The following LAMTOR1 variants were observed in gnomAD, a reference collection of about 807,000 sequenced individuals.
The protein encoded by LAMTOR1 is ragulator complex protein LAMTOR1.
In LAMTOR1, 8 loss-of-function variants were observed where a neutral mutation model predicts 20.5. The ratio of observed to expected loss-of-function variants is 0.39; its 90% CI spans 0.23 to 0.70. The LOEUF (loss-of-function observed/expected upper bound fraction) is 0.70. LAMTOR1 is among the 30% of genes least tolerant of loss of function. LAMTOR1 has a pLI of 0.43. For missense variants in LAMTOR1, 135 were observed against 206.2 expected, an observed-to-expected ratio of 0.65 and a Z score of 2.11; for synonymous variants, 77 against 80.9, an observed-to-expected ratio of 0.95 and a Z score of 0.26.
intron 4 of LAMTOR1, 37 bp downstream of exon 4, chr11:72,098,252 G>C: frequency 6.2e-7 from 1 of 1,610,012 alleles, no homozygotes; most frequent in South Asian, 1.1e-5. Flanking sequence ...TGGGCAGTGT[G>C]AGAAGGGTGG....
rs543375424 is a variant in LAMTOR1 at position 72,097,765 on chromosome 11, G to T, written c.*57C>A. ...AGCCGCAGTGAGGCTGGGGGCCAAG[G>T]GGGTGGGGTAGAGATGGGATGAAGA... On this transcript the variant is annotated 3_prime_UTR_variant, in exon 5 of 5. Coordinates refer to ENST00000278671, the MANE Select transcript of LAMTOR1 (RefSeq NM_017907.3). 2.2e-4 allele frequency: 360 copies of T among 1,613,582 alleles called. 2 individuals are homozygous for T. The South Asian group carries it at 3.7e-3, about 17-fold the overall frequency.
At chr11:72,098,886 T>C in intron 2 of LAMTOR1, 28 bp from the exon 3 acceptor site, 1 of 1,521,688 alleles carries the variant, frequency 6.6e-7, no homozygotes, top group Non-Finnish European at 8.9e-7. Context: ...AGAGATGACA[T>C]GACAGGTGCT....
intron 1 of LAMTOR1, among the ~76,000 whole-genome samples, chr11:72,101,635 A>T (rs1049283444): frequency 6.6e-6 from 1 of 152,204 alleles, no homozygotes; most frequent in Non-Finnish European, 1.5e-5. Flanking sequence ...CAGAGATGAG[A>T]GTCGGAGAGG....
chr11:72,098,442 A>T (rs369808779), intron 3 of LAMTOR1, 27 bp from the exon 4 acceptor site: 4 of 1,599,812 alleles, frequency 2.5e-6, no homozygotes, highest in Non-Finnish European at 3.4e-6. Context: ...GGGTGGGGGT[A>T]GGCAGTTAAG....
intron 3 of LAMTOR1, 106 bp downstream of exon 3, chr11:72,098,675 G>T: frequency 1.1e-6 from 1 of 889,366 alleles, no homozygotes; most frequent in Non-Finnish European, 1.7e-6. Context: ...CTCCAGGGCT[G>T]CACCAAATGA....
intron 3 of LAMTOR1, 169 bp downstream of exon 3, chr11:72,098,612 A>C: frequency 1.2e-6 from 1 of 806,740 alleles, no homozygotes; most frequent in South Asian, 1.8e-5. Flanking sequence ...GTCACAGGGT[A>C]AACAGGGCTG....
In LAMTOR1 at chr11:72,097,663, T is replaced by G. The variant is rs1023943535; in HGVS notation, c.*159A>C. The G allele has an allele frequency of 1.5e-5, 23 of 1,492,344 alleles. No homozygotes were observed. Among genetic ancestry groups the G allele is most frequent in the Non-Finnish European group, 2.0e-5 (22 of 1,122,156 alleles). The allele number at this position is 1,492,344 out of a possible 1,614,324, so 92.4% of individuals were successfully genotyped here. On this transcript the variant is annotated 3_prime_UTR_variant, in exon 5 of 5. Transcript: ENST00000278671. ...CCCAAAAGGTTCTACCCTCACTTGC[T>G]CAGGCTTCTAGCCTTCCTCTTCTCC... is the stretch of plus-strand genomic sequence containing the variant.
Position 72,103,174 on chromosome 11 carries a change from C to A in LAMTOR1, c.42+9G>T, listed in dbSNP as rs1198740918. 6.3e-7 allele frequency: 1 copy of A among 1,587,004 alleles called. No individual in the cohort carries two copies. The highest frequency in any genetic ancestry group is 1.8e-5 in the Admixed American group (1 of 56,722). On this transcript the variant is annotated intron_variant, in intron 1 of 4. Coordinates refer to ENST00000278671, the MANE Select transcript of LAMTOR1 (RefSeq NM_017907.3). The stretch of plus-strand genomic sequence containing the variant: ...CCTCATTCCCGAGCCCCGCCTGCCG[C>A]GGCCGCACCTGGTCCGAGTCCTCGT...
At chr11:72,099,320 T>C (rs1396050975) in intron 1 of LAMTOR1, 64 bp from the exon 2 acceptor site, 3 of 1,498,642 alleles carry the variant, frequency 2.0e-6, no homozygotes, top group Non-Finnish European at 2.7e-6. Flanking sequence ...TCACGGGTGC[T>C]ACCCTTAGCC....
chr11:72,100,938 C>A (rs1284351029), intron 1 of LAMTOR1, among the ~76,000 whole-genome samples: 1 of 151,728 alleles, frequency 6.6e-6, no homozygotes, highest in Non-Finnish European at 1.5e-5. Flanking sequence ...TACATAGGCT[C>A]AGTATTAAAG....
chr11:72,102,517 C>A (rs906556120), intron 1 of LAMTOR1, among the ~76,000 whole-genome samples: 2 of 152,252 alleles, frequency 1.3e-5, no homozygotes, highest in Non-Finnish European at 2.9e-5. Context: ...GCAGACTGCA[C>A]TGAGGCAAGC....
rs749995269 is a variant in LAMTOR1, at chr11:72,098,314, G to A, written c.368C>T (p.Pro123Leu). ...CTGCTGCAAATCAGAGAACGGGATGGGCTCACTGGCCAGCACTTGGTGGGG... is the reference window on the plus strand; with the variant it reads ...CTGCTGCAAATCAGAGAACGGGATGAGCTCACTGGCCAGCACTTGGTGGGG... ...SQPHQVLASE[P>L]IPFSDLQQVS... Residue 123 changes from proline to leucine, a missense_variant, in exon 4 of 5, where the codon CCC (proline) becomes CTC (leucine). Pro to Leu is a moderately conservative substitution (Grantham distance 98, BLOSUM62 -3). Transcript: ENST00000278671. The A allele has an allele frequency of 1.5e-5, 25 of 1,613,680 alleles. No homozygotes were observed. The highest frequency in any genetic ancestry group is 3.3e-4 in the Middle Eastern group (2 of 6,084).
In LAMTOR1 at chr11:72,098,273, G is replaced by A. The variant is rs201908817; in HGVS notation, c.393+16C>T. On this transcript the variant is annotated intron_variant, in intron 4 of 4. Coordinates refer to ENST00000278671, the MANE Select transcript of LAMTOR1 (RefSeq NM_017907.3). ...GTGTGAGAAGGGTGGGCAGGGGCAG[G>A]TGAGGGGTGTCTCACCTGCTGCAAA... is the stretch of plus-strand genomic sequence containing the variant. 12 of 1,610,516 alleles carry A rather than the reference G, an allele frequency of 7.5e-6. No individual in the cohort carries two copies. The highest frequency in any genetic ancestry group is 1.7e-4 in the Middle Eastern group (1 of 6,018).
rs1175254614 is a variant in LAMTOR1 at position 72,097,582 on chromosome 11, C to A, written c.*240G>T. On this transcript the variant is annotated 3_prime_UTR_variant, in exon 5 of 5. Transcript: ENST00000278671. ...ATTCTCAATGACTATGAAGACATAC[C>A]AGGCTCTGTCCTTTTGGCCCCCACC... 1.5e-6 allele frequency: 2 copies of A among 1,336,172 alleles called. No individual in the cohort carries two copies. The highest frequency in any genetic ancestry group is 1.9e-6 in the Non-Finnish European group (2 of 1,038,988). 82.8% of individuals were successfully genotyped at this position (1,336,172 alleles called of 1,614,324 possible). A position where few individuals can be genotyped will look rare whatever the true frequency, so the allele number is the denominator to read the frequency against.
Position 72,098,300 on chromosome 11 carries a change from CAG to C in LAMTOR1, c.380_381del (p.Ser127Ter), listed in dbSNP as rs1334437904. ...QVLASEPIPF[S>X]DLQQVSRIAA... ...GAGGGGTGTCTCACCTGCTGCAAAT[CAG>C]AGAACGGGATGGGCTCACTGGCCAG... is the stretch of plus-strand genomic sequence containing the variant. On this transcript the variant is annotated frameshift_variant, in exon 4 of 5. Transcript: ENST00000278671. LOFTEE classifies it high-confidence loss of function. 1 of 1,613,776 alleles carries C rather than the reference CAG, an allele frequency of 6.2e-7. No homozygotes were observed. Among genetic ancestry groups the C allele is most frequent in the Non-Finnish European group, 8.5e-7 (1 of 1,179,948 alleles).
rs201626525 is a variant in LAMTOR1, at chr11:72,099,183, T to C, written c.116A>G (p.Asn39Ser). 1.5e-5 allele frequency: 25 copies of C among 1,613,230 alleles called. No individual in the cohort carries two copies. The highest frequency in any genetic ancestry group is 1.9e-5 in the Non-Finnish European group (22 of 1,179,482). ...PTKALNGAEP[N>S]YHSLPSARTD... is the part of the protein sequence containing the mutation. ...GCGAGCGGAAGGCAGGCTGTGGTAG[T>C]TGGGCTCGGCTCCATTGAGAGCTTT... Residue 39 changes from asparagine to serine, a missense_variant, in exon 2 of 5, where the codon AAC becomes AGC. Asn to Ser is a conservative substitution (Grantham distance 46, BLOSUM62 1). Transcript: ENST00000278671.
At chr11:72,101,968 C>T (rs763766914) in intron 1 of LAMTOR1, among the ~76,000 whole-genome samples, 5 of 152,140 alleles carry the variant, frequency 3.3e-5, no homozygotes, top group Admixed American at 1.3e-4. Context: ...GTCTCTTTCT[C>T]AAAAAGGTGG....
rs1458786867 is a variant in LAMTOR1 at position 72,097,758 on chromosome 11, G to A, written c.*64C>T. On this transcript the variant is annotated 3_prime_UTR_variant, in exon 5 of 5. Transcript: ENST00000278671. ...CTGTATAAGCCGCAGTGAGGCTGGG[G>A]GCCAAGGGGGTGGGGTAGAGATGGG... The A allele has an allele frequency of 3.1e-6, 5 of 1,613,240 alleles. No individual in the cohort carries two copies. The highest frequency in any genetic ancestry group is 1.7e-5 in the Admixed American group (1 of 59,996).
At chr11:72,098,734 G>A in intron 3 of LAMTOR1, 47 bp downstream of exon 3, 1 of 1,357,740 alleles carries the variant, frequency 7.4e-7, no homozygotes, top group Non-Finnish European at 1.0e-6. Flanking sequence ...GTGATGGAGG[G>A]TGGGAGCCCA....
Sources: gnomAD v4.1 joint callset for allele counts (sites outside exome capture counted in the v4.1 genomes callset) on GRCh38, gnomAD v4.1.1 for gene constraint, MANE v1.5 for transcripts, NCBI Gene and HGNC (gene_info 2026-07-23, HGNC 2026-07-21) for gene names.